TF: variants seen among roughly 807,000 people sequenced by gnomAD.
TF encodes transferrin.
In TF, 55 loss-of-function variants were observed where a neutral mutation model predicts 82.4. The observed-to-expected ratio is 0.67, with a 90% confidence interval of 0.54 to 0.84. The LOEUF is 0.84. TF is among the 40% of genes least tolerant of loss of function. The probability of loss-of-function intolerance (pLI) is 0.00; values close to 1 mark genes in which losing one functional copy is unlikely to be tolerated. For missense variants in TF, 737 were observed against 868.4 expected (o/e 0.85, Z 1.90); for synonymous variants, 332 against 332.6 (o/e 1.00, Z 0.02).
intron 14 of TF, among the ~76,000 whole-genome samples, chr3:133,771,319 G>GA (rs1559877318): frequency 6.6e-6 from 1 of 152,150 alleles, no homozygotes; most frequent in Non-Finnish European, 1.5e-5. Flanking sequence ...AAAGAAATAA[G>GA]AATGCATGAG....
chr3:133,755,291 T>G (rs907216294), intron 4 of TF, 72 bp from the exon 5 acceptor site: 3 of 1,609,752 alleles, frequency 1.9e-6, no homozygotes, highest in Non-Finnish European at 2.5e-6. Flanking sequence ...CTGATGGGCC[T>G]GGGTGGGGTG....
At chr3:133,699,581 T>A in the TF span, 1 of 619,100 alleles carries the variant, frequency 1.6e-6, no homozygotes, top group Non-Finnish European at 2.9e-6. Flanking sequence ...GAAGTGTGGG[T>A]GGCAAGGAGG....
intron 2 of TF, among the ~76,000 whole-genome samples, chr3:133,751,298 T>C (rs1933658299): frequency 6.8e-6 from 1 of 147,252 alleles, no homozygotes; most frequent in African/African-American, 2.5e-5. Context: ...AGTGGCGCGA[T>C]CTCGACTCAC....
the TF span, among the ~76,000 whole-genome samples, chr3:133,668,600 GA>G: frequency 2.0e-5 from 3 of 151,936 alleles, no homozygotes; most frequent in South Asian, 4.2e-4. Context: ...GGCAGGGAGG[GA>G]AAAAAACATG....
chr3:133,671,081 A>G, the TF span, among the ~76,000 whole-genome samples: 1 of 152,250 alleles, frequency 6.6e-6, no homozygotes, highest in Non-Finnish European at 1.5e-5. Context: ...ATAATGCCAC[A>G]CCTTGAAGAG....
the TF span, among the ~76,000 whole-genome samples, chr3:133,719,690 G>A: frequency 1.3e-5 from 2 of 152,068 alleles, no homozygotes; most frequent in African/African-American, 4.8e-5. Context: ...TAATTCTACA[G>A]ATTGCTTTGT....
At chr3:133,709,694 G>A in the TF span, 1 of 153,726 alleles carries the variant, frequency 6.5e-6, no homozygotes, top group East Asian at 1.9e-4. Flanking sequence ...GAGGTGTTGT[G>A]GCAGTTCATT....
At chr3:133,748,349 G>A in intron 1 of TF, 63 bp from the exon 2 acceptor site, 1 of 1,604,634 alleles carries the variant, frequency 6.2e-7, no homozygotes. Context: ...CTTTCTAGGG[G>A]CGATGCTGTC....
At chr3:133,691,469 A>G in the TF span, among the ~76,000 whole-genome samples, 2 of 152,262 alleles carry the variant, frequency 1.3e-5, no homozygotes, top group Admixed American at 6.5e-5. Flanking sequence ...CAAACAATAA[A>G]CAGAGTTTGT....
chr3:133,770,279 CA>C (rs1934227692), intron 13 of TF, among the ~76,000 whole-genome samples: 1 of 152,174 alleles, frequency 6.6e-6, no homozygotes, highest in Non-Finnish European at 1.5e-5. Context: ...CTCAGAGAAA[CA>C]GTACAAAAAA....
the TF span, among the ~76,000 whole-genome samples, chr3:133,674,380 G>C: frequency 1.6e-4 from 25 of 152,304 alleles, no homozygotes; most frequent in Non-Finnish European, 1.0e-4. Flanking sequence ...TGCAGACCCC[G>C]GGGCTGGGAA....
the TF span, among the ~76,000 whole-genome samples, chr3:133,684,584 A>G: frequency 6.6e-6 from 1 of 152,224 alleles, no homozygotes; most frequent in Non-Finnish European, 1.5e-5. Context: ...ACCTCTAAAC[A>G]AATAAACTAG....
In TF at chr3:133,790,454, A is replaced by T. The variant is rs1934803634; in HGVS notation, c.*11834A>T. The T allele has an allele frequency of 6.6e-6, 1 of 152,352 alleles. No homozygotes were observed. The highest frequency in any genetic ancestry group is 2.1e-4 in the South Asian group (1 of 4,830). The allele number at this position is 152,352 out of a possible 1,614,324, so 9.4% of individuals were successfully genotyped here. ...TTATCTAAAAGTTAGTTCAAATTAC[A>T]GATTTGAAAAGGTTACTTATGAAAC... On this transcript the variant is annotated 3_prime_UTR_variant, in exon 17 of 17. Transcript: ENST00000402696.
At chr3:133,736,995 C>T in the TF span, among the ~76,000 whole-genome samples, 49 of 152,278 alleles carry the variant, frequency 3.2e-4, no homozygotes, top group Admixed American at 2.6e-3. Context: ...GAACTCTCCA[C>T]CCCAAATCAA....
chr3:133,744,638 C>G (rs1933456229), upstream of TF, among the ~76,000 whole-genome samples: 2 of 152,126 alleles, frequency 1.3e-5, no homozygotes, highest in African/African-American at 2.4e-5. Flanking sequence ...GGGAGTAAGA[C>G]AGGGCAGCAG....
chr3:133,725,266 T>A, the TF span, among the ~76,000 whole-genome samples: 3 of 152,232 alleles, frequency 2.0e-5, no homozygotes, highest in East Asian at 1.9e-4. Flanking sequence ...ATTTTCACGA[T>A]ATTGATTCTT....
upstream of TF, among the ~76,000 whole-genome samples, chr3:133,742,822 CCTCCTGCTGGT>C (rs1559864555): frequency 6.6e-6 from 1 of 152,214 alleles, no homozygotes; most frequent in African/African-American, 2.4e-5. Context: ...TTCTTACCCA[CCTCCTGCTGGT>C]CAGCTTTTCC....
Position 133,764,236 on chromosome 3 carries a change from A to G in TF, c.1258A>G (p.Lys420Glu). The G allele has an allele frequency of 2.5e-6, 4 of 1,614,012 alleles. No individual in the cohort carries two copies. Among genetic ancestry groups the G allele is most frequent in the Non-Finnish European group, 3.4e-6 (4 of 1,179,900 alleles). Reference protein sequence around the residue: ...LDGGFVYIAGKCGLVPVLAEN... With the variant: ...LDGGFVYIAGECGLVPVLAEN... ...TGGAGGGTTTGTCTACATAGCGGGC[A>G]AGTGTGGTCTGGTGCCTGTCTTGGC... The change falls in exon 10 of 17, where the codon AAG becomes GAG. Residue 420 changes from lysine (K) to glutamate (E), a missense_variant. Coordinates refer to ENST00000402696, the MANE Select transcript of TF (RefSeq NM_001063.4).
chr3:133,676,786 C>T, the TF span, among the ~76,000 whole-genome samples: 1 of 152,234 alleles, frequency 6.6e-6, no homozygotes, highest in Non-Finnish European at 1.5e-5. Context: ...AGTAGGGCTT[C>T]TGCTATTCTT....
Sources: gnomAD v4.1 joint callset for allele counts (sites outside exome capture counted in the v4.1 genomes callset) on GRCh38, gnomAD v4.1.1 for gene constraint, MANE v1.5 for transcripts, NCBI Gene and HGNC (gene_info 2026-07-23, HGNC 2026-07-21) for gene names.